The following FRMD5 variants were observed in gnomAD, a reference collection of about 807,000 sequenced individuals.
The protein encoded by FRMD5 is FERM domain containing 5.
Under a neutral mutation model 69.0 loss-of-function variants are expected in FRMD5, and 20 were observed. That is an observed-to-expected ratio of 0.29 (90% CI 0.20 to 0.42). The LOEUF (loss-of-function observed/expected upper bound fraction) is 0.42, where lower values mean the gene tolerates loss of function less well. Among genes scored for constraint, FRMD5 ranks in the 10% least tolerant of loss-of-function variants. FRMD5 has a pLI of 1.00. For synonymous variants in FRMD5, 271 were observed against 260.1 expected (o/e 1.04, Z -0.40); for missense variants, 595 against 708.6 (o/e 0.84, Z 1.82).
chr15:44,030,393 C>T (rs560566690), intron 1 of FRMD5, among the ~76,000 whole-genome samples: 100 of 152,116 alleles, frequency 6.6e-4, no homozygotes, highest in African/African-American at 2.2e-3. Flanking sequence ...ATTTACTTCT[C>T]CTTGAGCAAC....
At chr15:43,999,069 C>A (rs1890065485) in intron 1 of FRMD5, among the ~76,000 whole-genome samples, 1 of 152,102 alleles carries the variant, frequency 6.6e-6, no homozygotes, top group Non-Finnish European at 1.5e-5. Flanking sequence ...AAGTTGCTTT[C>A]ATTTTTATTT....
chr15:44,041,228 T>TA (rs1264876545), intron 1 of FRMD5, among the ~76,000 whole-genome samples: 1 of 152,012 alleles, frequency 6.6e-6, no homozygotes, highest in African/African-American at 2.4e-5. Flanking sequence ...CAAAGAGACT[T>TA]AGACTCCCAC....
Position 43,898,256 on chromosome 15 carries a change from T to C in FRMD5, c.639+3919A>G, listed in dbSNP as rs546877638. 1.6e-4 allele frequency among the ~76,000 whole-genome samples: 24 copies of C among 152,290 alleles called. No homozygotes were observed. The South Asian group carries it at 5.0e-3, about 32-fold the overall frequency. On this transcript the variant is annotated intron_variant, in intron 7 of 13. Transcript: ENST00000417257. The stretch of plus-strand genomic sequence containing the variant: ...ATAACCCTGGGTTCGAGCCTCAGTA[T>C]TGTGTTACCCAGTACCTTTGGGCAT...
intron 1 of FRMD5, among the ~76,000 whole-genome samples, chr15:44,144,167 GTCT>G (rs1409399782): frequency 1.3e-5 from 2 of 151,918 alleles, no homozygotes; most frequent in South Asian, 2.1e-4. Context: ...TTTCCTTCTC[GTCT>G]TCTTTTTTTC....
chr15:44,137,766 A>C (rs1313982625), intron 1 of FRMD5, among the ~76,000 whole-genome samples: 1 of 152,140 alleles, frequency 6.6e-6, no homozygotes, highest in Non-Finnish European at 1.5e-5. Flanking sequence ...AATGGGTTCC[A>C]TATCTGAAAG....
At position 43,967,249 on chromosome 15, in the gene FRMD5, T is replaced by G. The variant is rs567950106; in HGVS notation, c.103-42940A>C. ...TATAAACATATATATATATATATGT[T>G]TGGGATGGAGCCTCGCTCTGTCGCC... On this transcript the variant is annotated intron_variant, in intron 1 of 13. Transcript: ENST00000417257. Among the ~76,000 whole-genome samples the G allele has an allele frequency of 3.9e-4, 58 of 150,430 alleles. No homozygotes were observed. The South Asian group carries it at 0.011, about 28-fold the overall frequency.
intron 1 of FRMD5, among the ~76,000 whole-genome samples, chr15:43,961,589 G>A (rs937335037): frequency 1.4e-4 from 22 of 152,162 alleles, no homozygotes; most frequent in African/African-American, 4.8e-4. Flanking sequence ...AAGCCTGGCG[G>A]AGACACAACA....
chr15:44,025,596 C>T (rs1010424752), intron 1 of FRMD5, among the ~76,000 whole-genome samples: 1 of 152,124 alleles, frequency 6.6e-6, no homozygotes, highest in African/African-American at 2.4e-5. Context: ...AATGGTAACT[C>T]ATAATTTAAT....
chr15:43,883,444 A>G (rs1195360590), intron 13 of FRMD5, among the ~76,000 whole-genome samples: 1 of 152,160 alleles, frequency 6.6e-6, no homozygotes, highest in Non-Finnish European at 1.5e-5. Flanking sequence ...CATGGAACCT[A>G]TAGATCCCAC....
At chr15:43,927,788 G>A (rs550987740) in intron 1 of FRMD5, among the ~76,000 whole-genome samples, 2 of 151,824 alleles carry the variant, frequency 1.3e-5, no homozygotes, top group South Asian at 4.2e-4. Flanking sequence ...TATGATGTGA[G>A]TTTTACGGGC....
intron 1 of FRMD5, among the ~76,000 whole-genome samples, chr15:44,109,006 AAAATAAAATAAAAT>A (rs1230360421): frequency 4.0e-5 from 6 of 148,638 alleles, no homozygotes; most frequent in African/African-American, 1.5e-4. Flanking sequence ...AAAATAAAAT[AAAATAAAATAAAAT>A]GTTTGCCAAT....
intron 1 of FRMD5, among the ~76,000 whole-genome samples, chr15:43,953,260 C>T (rs958198391): frequency 2.6e-5 from 4 of 152,226 alleles, no homozygotes; most frequent in Non-Finnish European, 4.4e-5. Flanking sequence ...CAAAACTGCA[C>T]AGATTCTGCA....
chr15:43,894,891 A>T (rs1436986930), intron 7 of FRMD5, among the ~76,000 whole-genome samples: 1 of 152,122 alleles, frequency 6.6e-6, no homozygotes, highest in Non-Finnish European at 1.5e-5. Flanking sequence ...ATGAGGGTTG[A>T]TCGTGTTACC....
chr15:44,194,994 C>T lies in FRMD5; in HGVS notation c.61G>A (p.Val21Met), dbSNP rs867402123. 2 of 1,558,366 alleles carry T rather than the reference C, an allele frequency of 1.3e-6. No homozygotes were observed. Among genetic ancestry groups the T allele is most frequent in the Non-Finnish European group, 1.7e-6 (2 of 1,156,860 alleles). The change falls in exon 1 of 14, where the codon GTG becomes ATG. Residue 21 changes from valine (V) to methionine (M), a missense_variant. By Grantham distance (21) the Val-to-Met change is conservative. Transcript: ENST00000417257. ...RSLEREYSCT[V>M]RLLDDSEYTC... ...TACTCGCTGTCGTCCAGCAGCCGCA[C>T]GGTGCAGCTGTACTCGCGCTCCAGG...
chr15:43,881,945 CT>C (rs1323122525), intron 13 of FRMD5, among the ~76,000 whole-genome samples: 1 of 152,204 alleles, frequency 6.6e-6, no homozygotes. Context: ...AAGCAGCATT[CT>C]TACAGAAAGG....
intron 6 of FRMD5, among the ~76,000 whole-genome samples, chr15:43,903,095 C>T (rs537120200): frequency 1.3e-5 from 2 of 152,356 alleles, no homozygotes; most frequent in East Asian, 1.9e-4. Flanking sequence ...TGGCATCACC[C>T]CTTCCCACTG....
Position 43,885,734 on chromosome 15 carries a change from G to C in FRMD5, c.906C>G (p.Val302=), listed in dbSNP as rs1595481245. The C allele has an allele frequency of 6.2e-7, 1 of 1,614,154 alleles. No individual in the cohort carries two copies. The highest frequency in any genetic ancestry group is 2.2e-5 in the East Asian group (1 of 44,882). Residue 302 remains valine (V), a synonymous_variant, in exon 11 of 14, where the codon GTC becomes GTG. Coordinates refer to ENST00000417257, the MANE Select transcript of FRMD5 (RefSeq NM_032892.5). ...ATAAATTGCTGCTGGACACTGTGCG[G>C]ACTTGGCTTGACTTCTCCAGCCTGT... The part of the protein sequence containing the change: ...AFYKLEKSSQ[V]RTVSSSNLFF...
intron 7 of FRMD5, among the ~76,000 whole-genome samples, chr15:43,892,888 G>C (rs1029280922): frequency 4.6e-5 from 7 of 152,196 alleles, no homozygotes; most frequent in Non-Finnish European, 1.0e-4. Context: ...TGGATCATCT[G>C]AGGTCAGGAG....
intron 1 of FRMD5, among the ~76,000 whole-genome samples, chr15:44,162,023 G>A (rs1273884502): frequency 6.6e-6 from 1 of 152,072 alleles, no homozygotes; most frequent in East Asian, 1.9e-4. Context: ...GGAGTACAAT[G>A]GCACAATCTT....
Sources: allele counts gnomAD v4.1 joint callset (sites outside exome capture counted in the v4.1 genomes callset), GRCh38; gene constraint gnomAD v4.1.1; transcripts MANE v1.5; gene names NCBI Gene and HGNC (gene_info 2026-07-23, HGNC 2026-07-21).